Variants in PLOD2 observed in about 807,000 individuals in gnomAD.
The protein encoded by PLOD2 is procollagen-lysine,2-oxoglutarate 5-dioxygenase 2.
PLOD2 carries 65 observed loss-of-function variants against 101.0 expected under a neutral mutation model. The observed-to-expected ratio is 0.64, with a 90% confidence interval of 0.53 to 0.79. PLOD2 has a LOEUF of 0.79. Among genes scored for constraint, PLOD2 ranks in the 30% least tolerant of loss-of-function variants. PLOD2 has a pLI of 0.00. For synonymous variants in PLOD2, 314 were observed against 302.9 expected, an observed-to-expected ratio of 1.04 and a Z score of -0.38; for missense variants, 909 against 914.6, an observed-to-expected ratio of 0.99 and a Z score of 0.08.
In PLOD2 at chr3:146,102,810, T is replaced by G. The variant is rs763226419; in HGVS notation, c.722A>C (p.Lys241Thr). 6.2e-7 allele frequency: 1 copy of G among 1,606,774 alleles called. No homozygotes were observed. Among genetic ancestry groups the G allele is most frequent in the Non-Finnish European group, 8.5e-7 (1 of 1,173,344 alleles). Reference protein sequence around the residue: ...LKFENGKARAKNTFYETLPVA... With the variant: ...LKFENGKARATNTFYETLPVA... Reference sequence around the variant, plus strand: ...TGGTAATGTTTCATAAAATGTATTCTTAGCTCTGGCTTTGCCATTTTCAAA... The same window carrying G: ...TGGTAATGTTTCATAAAATGTATTCGTAGCTCTGGCTTTGCCATTTTCAAA... The change falls in exon 7 of 20, where the codon AAG becomes ACG. Residue 241 changes from lysine to threonine, a missense_variant. By Grantham distance (78) the Lys-to-Thr change is moderately conservative. Coordinates refer to ENST00000282903, the MANE Select transcript of PLOD2 (RefSeq NM_182943.3).
chr3:146,125,058 C>T (rs1445191929), intron 1 of PLOD2, among the ~76,000 whole-genome samples: 1 of 149,522 alleles, frequency 6.7e-6, no homozygotes, highest in Non-Finnish European at 1.5e-5. Context: ...GAAACAAGTG[C>T]ATCAACAAAT....
In PLOD2 at chr3:146,156,856, T is replaced by C. The variant is rs1339542180; in HGVS notation, c.109+4025A>G. On this transcript the variant is annotated intron_variant, in intron 1 of 19. Transcript: ENST00000282903. The stretch of plus-strand genomic sequence containing the variant: ...GGGGCACAGGCCCCTCTTCTACTGC[T>C]TTCCACCTATGTGAGCTTGTGCAAG... Among the ~76,000 whole-genome samples the C allele has an allele frequency of 3.3e-5, 5 of 152,222 alleles. No individual in the cohort carries two copies. The East Asian group carries it at 9.6e-4, about 29-fold the overall frequency.
chr3:146,149,231 T>C (rs1466426710), intron 1 of PLOD2, among the ~76,000 whole-genome samples: 1 of 152,200 alleles, frequency 6.6e-6, no homozygotes, highest in African/African-American at 2.4e-5. Flanking sequence ...AATAGGACTC[T>C]TTTTCGAAAG....
At position 146,097,918 on chromosome 3, in the gene PLOD2, T is replaced by C. The variant is rs918999144; in HGVS notation, c.777+4837A>G. ...TCCTTTGCAGAGACAAGGATGAAGC[T>C]GGAAACCATCATCCTCACCAAACTA... On this transcript the variant is annotated intron_variant, in intron 7 of 19. Coordinates refer to ENST00000282903, the MANE Select transcript of PLOD2 (RefSeq NM_182943.3). Among the ~76,000 whole-genome samples the C allele has an allele frequency of 2.6e-5, 4 of 152,220 alleles. No individual in the cohort carries two copies. In the East Asian group the frequency reaches 7.7e-4, roughly 29 times the overall value.
At chr3:146,104,910 G>T (rs187500353) in intron 5 of PLOD2, 1 of 152,402 alleles carries the variant, frequency 6.6e-6, no homozygotes, top group East Asian at 1.9e-4. Flanking sequence ...AAACTATTTG[G>T]TAAGACTTCT....
At chr3:146,087,705 A>G (rs1936829855) in intron 9 of PLOD2, among the ~76,000 whole-genome samples, 1 of 151,910 alleles carries the variant, frequency 6.6e-6, no homozygotes, top group South Asian at 2.1e-4. Flanking sequence ...AACGTCCGCC[A>G]TCAAGGATTT....
intron 3 of PLOD2, among the ~76,000 whole-genome samples, chr3:146,118,810 C>T (rs753173300): frequency 1.8e-4 from 27 of 152,110 alleles, no homozygotes; most frequent in Non-Finnish European, 3.2e-4. Flanking sequence ...GTATTTATAA[C>T]TTTGCGTGGT....
chr3:146,073,424 T>C, intron 15 of PLOD2, 72 bp from the exon 16 acceptor site: 1 of 568,244 alleles, frequency 1.8e-6, no homozygotes. Flanking sequence ...AGCATATGCA[T>C]TTTAGAAATT....
chr3:146,088,609 G>C lies in PLOD2; in HGVS notation c.982C>G (p.Leu328Val). Residue 328 changes from leucine (L) to valine (V), a missense_variant, in exon 9 of 20, where the codon CTT becomes GTT. Transcript: ENST00000282903. ...LLTLDYPKEA[L>V]KLFIHNKEVY... ...ACTTTGTTATGAATAAAAAGTTTAA[G>C]TGCTTCTTTTGGGTAATCCAGTGTC... 1 of 1,580,978 alleles carries C rather than the reference G, an allele frequency of 6.3e-7. No individual in the cohort carries two copies. Among genetic ancestry groups the C allele is most frequent in the Non-Finnish European group, 8.7e-7 (1 of 1,150,850 alleles).
intron 4 of PLOD2, among the ~76,000 whole-genome samples, chr3:146,108,547 A>T (rs912701392): frequency 6.6e-6 from 1 of 152,144 alleles, no homozygotes; most frequent in Non-Finnish European, 1.5e-5. Context: ...AATAACTGTA[A>T]ATATGTGATC....
At chr3:146,106,012 G>C (rs772659474) in intron 5 of PLOD2, among the ~76,000 whole-genome samples, 32 of 152,148 alleles carry the variant, frequency 2.1e-4, no homozygotes, top group South Asian at 1.2e-3. Flanking sequence ...GTTAATAAAT[G>C]ACAGTTATTT....
chr3:146,081,051 T>C (rs373153063), intron 12 of PLOD2, among the ~76,000 whole-genome samples: 1 of 152,108 alleles, frequency 6.6e-6, no homozygotes, highest in Non-Finnish European at 1.5e-5. Context: ...AGGCAAAGCA[T>C]GTAATGTCTT....
chr3:146,086,359 C>CTTGGGATTACAGTA (rs1936766320), intron 10 of PLOD2: 1 of 152,790 alleles, frequency 6.5e-6, no homozygotes, highest in African/African-American at 2.4e-5. Context: ...ATGCCCGTTT[C>CTTGGGATTACAGTA]TTGGGATTAC....
intron 1 of PLOD2, among the ~76,000 whole-genome samples, chr3:146,146,954 G>C (rs4681300): frequency 0.089 from 13,599 of 152,154 alleles, 771 homozygotes; most frequent in South Asian, 0.14. Context: ...TTGTGACTAG[G>C]GCAAGCCATG....
At chr3:146,141,381 T>C (rs890434668) in intron 1 of PLOD2, among the ~76,000 whole-genome samples, 7 of 152,100 alleles carry the variant, frequency 4.6e-5, no homozygotes, top group African/African-American at 1.4e-4. Flanking sequence ...CTCGTTTTTA[T>C]TGAAAGAAAA....
At position 146,161,028 on chromosome 3, in the gene PLOD2, G is replaced by A. The variant is rs1003919402; in HGVS notation, c.-39C>T. On this transcript the variant is annotated 5_prime_UTR_variant, in exon 1 of 20. Coordinates refer to ENST00000282903, the MANE Select transcript of PLOD2 (RefSeq NM_182943.3). ...GGGCCGCGCGGGCTCAGGCGCCCACGGCCCCGCAGCGCCGCGCTTCTCGCG... is the reference window on the plus strand; with the variant it reads ...GGGCCGCGCGGGCTCAGGCGCCCACAGCCCCGCAGCGCCGCGCTTCTCGCG... 41 of 1,354,996 alleles carry A rather than the reference G, an allele frequency of 3.0e-5. No individual in the cohort carries two copies. The highest frequency in any genetic ancestry group is 4.0e-5 in the Non-Finnish European group (39 of 970,348). 83.9% of individuals were successfully genotyped at this position (1,354,996 alleles called of 1,614,324 possible).
chr3:146,083,582 T>TTC lies in PLOD2; in HGVS notation c.1232+1586_1232+1587insGA, dbSNP rs1272175743. Among the ~76,000 whole-genome samples, 18 of 98,596 alleles carry TTC rather than the reference T, an allele frequency of 1.8e-4. No individual in the cohort carries two copies. In the East Asian group the frequency reaches 2.6e-3, roughly 14 times the overall value. 64.7% of individuals were successfully genotyped at this position (98,596 alleles called of 152,430 possible). A position where few individuals can be genotyped will look rare whatever the true frequency, so the allele number is the denominator to read the frequency against. ...GATGGCAGGTAAGTCTTTTTCTTTT[T>TTC]TTTTTTTTTTTTTTTTTGAGACGGA... is the stretch of plus-strand genomic sequence containing the variant. On this transcript the variant is annotated intron_variant, in intron 11 of 19. Transcript: ENST00000282903.
intron 1 of PLOD2, 150 bp downstream of exon 1, chr3:146,160,731 C>T (rs1026686160): frequency 1.6e-6 from 1 of 615,314 alleles, no homozygotes; most frequent in Non-Finnish European, 2.9e-6. Flanking sequence ...CGCCCGACCG[C>T]AATTCTGGGG....
chr3:146,116,491 G>T (rs1334449916), intron 3 of PLOD2, among the ~76,000 whole-genome samples: 5 of 152,096 alleles, frequency 3.3e-5, no homozygotes, highest in Non-Finnish European at 5.9e-5. Context: ...TATTTTTGTT[G>T]TGCTGTTGGA....
Sources: allele counts gnomAD v4.1 joint callset (sites outside exome capture counted in the v4.1 genomes callset), GRCh38; gene constraint gnomAD v4.1.1; transcripts MANE v1.5; gene names NCBI Gene and HGNC (gene_info 2026-07-23, HGNC 2026-07-21).